The following HIPK2 variants were observed in gnomAD, a reference collection of about 807,000 sequenced individuals.
HIPK2 encodes homeodomain-interacting protein kinase 2.
A neutral mutation model predicts 113.7 loss-of-function variants in HIPK2; 27 were observed. The observed-to-expected ratio is 0.24, with a 90% confidence interval of 0.17 to 0.33. HIPK2 has a LOEUF of 0.33. HIPK2 is among the 10% of genes least tolerant of loss of function. The probability of loss-of-function intolerance (pLI) is 1.00; values close to 1 mark genes in which losing one functional copy is unlikely to be tolerated. For synonymous variants in HIPK2, 631 were observed against 642.2 expected, an observed-to-expected ratio of 0.98 and a Z score of 0.26; for missense variants, 1,257 against 1,588.0, an observed-to-expected ratio of 0.79 and a Z score of 3.54.
chr7:139,698,221 T>C (rs1190785897), intron 2 of HIPK2, among the ~76,000 whole-genome samples: 2 of 152,262 alleles, frequency 1.3e-5, no homozygotes, highest in Non-Finnish European at 2.9e-5. Context: ...ATACGATACG[T>C]GTATGCCTTC....
At position 139,691,693 on chromosome 7, in the gene HIPK2, G is replaced by C. The variant is rs576232622; in HGVS notation, c.1103+24239C>G. Among the ~76,000 whole-genome samples the C allele has an allele frequency of 6.0e-4, 92 of 152,376 alleles. No homozygotes were observed. The Middle Eastern group carries it at 0.01, about 17-fold the overall frequency. ...TAAGGAGGTGAGCCTGGTGTGGAGA[G>C]AGCTGGCTGGGGACCAGCTGGCTTG... is the stretch of plus-strand genomic sequence containing the variant. On this transcript the variant is annotated intron_variant, in intron 2 of 14. Transcript: ENST00000406875.
At chr7:139,707,420 G>A (rs1489585000) in intron 2 of HIPK2, among the ~76,000 whole-genome samples, 1 of 152,264 alleles carries the variant, frequency 6.6e-6, no homozygotes, top group African/African-American at 2.4e-5. Flanking sequence ...GGGTGGCCCT[G>A]TCTGCACTGC....
chr7:139,665,039 C>CT (rs369543607), intron 2 of HIPK2, among the ~76,000 whole-genome samples: 1,448 of 129,670 alleles, frequency 0.011, 18 homozygotes, highest in Non-Finnish European at 0.015. Flanking sequence ...CTTTCTCTCT[C>CT]TTTTTTTTTT....
At chr7:139,628,689 C>T (rs1466907643) in intron 5 of HIPK2, among the ~76,000 whole-genome samples, 2 of 152,216 alleles carry the variant, frequency 1.3e-5, no homozygotes, top group Non-Finnish European at 2.9e-5. Flanking sequence ...TCGCCTTGGC[C>T]TCCCAAAGTG....
At chr7:139,650,914 G>A (rs550838789) in intron 2 of HIPK2, among the ~76,000 whole-genome samples, 2 of 152,320 alleles carry the variant, frequency 1.3e-5, no homozygotes, top group African/African-American at 2.4e-5. Flanking sequence ...AGAGCTCACC[G>A]CCACCTCATG....
chr7:139,584,821 G>A (rs1798784516), intron 12 of HIPK2, among the ~76,000 whole-genome samples: 1 of 152,232 alleles, frequency 6.6e-6, no homozygotes, highest in Admixed American at 6.5e-5. Context: ...GGCCTGGTGG[G>A]AAGGCCCCTG....
intron 2 of HIPK2, among the ~76,000 whole-genome samples, chr7:139,696,316 T>C (rs1344390196): frequency 6.6e-6 from 1 of 152,146 alleles, no homozygotes; most frequent in Non-Finnish European, 1.5e-5. Flanking sequence ...CTCACATCTA[T>C]AATCCCAGCG....
At chr7:139,750,585 T>C (rs1189049260) in intron 1 of HIPK2, among the ~76,000 whole-genome samples, 1 of 152,244 alleles carries the variant, frequency 6.6e-6, no homozygotes, top group Admixed American at 6.5e-5. Context: ...TTTGGGTCTT[T>C]GTGTTGCATC....
At chr7:139,653,181 A>T (rs1270160821) in intron 2 of HIPK2, among the ~76,000 whole-genome samples, 1 of 150,178 alleles carries the variant, frequency 6.7e-6, no homozygotes, top group African/African-American at 2.5e-5. Context: ...GAGAACAAGG[A>T]AGTGACACAA....
intron 1 of HIPK2, among the ~76,000 whole-genome samples, chr7:139,751,569 T>G (rs1258401217): frequency 6.0e-5 from 9 of 148,916 alleles, no homozygotes; most frequent in Admixed American, 2.0e-4. Context: ...GAGGGATGGA[T>G]GGATGGATGG....
chr7:139,729,277 A>G (rs1795690320), intron 1 of HIPK2, among the ~76,000 whole-genome samples: 1 of 145,846 alleles, frequency 6.9e-6, no homozygotes, highest in Admixed American at 7.0e-5. Context: ...GCAAGCTGTG[A>G]TTGCAACACT....
chr7:139,609,741 T>C (rs1345989467), intron 9 of HIPK2, among the ~76,000 whole-genome samples: 1 of 152,162 alleles, frequency 6.6e-6, no homozygotes, highest in African/African-American at 2.4e-5. Flanking sequence ...CATATTGGCA[T>C]GGATTAAGTG....
intron 1 of HIPK2, among the ~76,000 whole-genome samples, chr7:139,757,164 C>A (rs768054009): frequency 1.3e-5 from 2 of 152,138 alleles, no homozygotes; most frequent in Non-Finnish European, 2.9e-5. Context: ...CTCAATCATT[C>A]GTTTTAATGT....
intron 2 of HIPK2, among the ~76,000 whole-genome samples, chr7:139,705,243 G>A (rs2116878164): frequency 6.6e-6 from 1 of 152,382 alleles, no homozygotes; most frequent in Admixed American, 6.5e-5. Context: ...GGAAAGCATG[G>A]TGCTTATTCG....
At chr7:139,766,781 T>A (rs563550950) in intron 1 of HIPK2, among the ~76,000 whole-genome samples, 9 of 152,262 alleles carry the variant, frequency 5.9e-5, no homozygotes, top group Non-Finnish European at 1.3e-4. Context: ...ATGGAGAAAA[T>A]CATAGAGCTC....
At chr7:139,672,940 G>A (rs1010986845) in intron 2 of HIPK2, among the ~76,000 whole-genome samples, 2 of 152,048 alleles carry the variant, frequency 1.3e-5, no homozygotes, top group Admixed American at 6.6e-5. Flanking sequence ...TTAGAACTTA[G>A]TATCCTCCTT....
chr7:139,723,194 C>CT (rs71170911), intron 1 of HIPK2, among the ~76,000 whole-genome samples: 2,124 of 133,076 alleles, frequency 0.016, 48 homozygotes, highest in African/African-American at 0.05. Context: ...TTTCTTTCTT[C>CT]TTTTTTTTTT....
At chr7:139,771,285 T>C (rs961630914) in intron 1 of HIPK2, among the ~76,000 whole-genome samples, 2 of 152,120 alleles carry the variant, frequency 1.3e-5, no homozygotes, top group African/African-American at 2.4e-5. Flanking sequence ...TTCAAGTTTT[T>C]ATACTTATGG....
Position 139,631,060 on chromosome 7 carries a change from G to A in HIPK2, c.1347+105C>T. On this transcript the variant is annotated intron_variant, in intron 4 of 14. Coordinates refer to ENST00000406875, the MANE Select transcript of HIPK2 (RefSeq NM_022740.5). This position sits in a 1 kb window ranked among gnomAD's most constrained non-coding sequence, Gnocchi z 4.9. The stretch of plus-strand genomic sequence containing the variant: ...ATGTATTAACAACAGCACCCCCAGT[G>A]CCCTCATTTTGCTGACTGAATCAAA... 1 of 1,414,468 alleles carries A rather than the reference G, an allele frequency of 7.1e-7. No homozygotes were observed. The highest frequency in any genetic ancestry group is 9.5e-7 in the Non-Finnish European group (1 of 1,056,064). The allele number at this position is 1,414,468 out of a possible 1,614,324, so 87.6% of individuals were successfully genotyped here. A position where few individuals can be genotyped will look rare whatever the true frequency, so the allele number is the denominator to read the frequency against.
Sources: allele counts gnomAD v4.1 joint callset (sites outside exome capture counted in the v4.1 genomes callset), GRCh38; gene constraint gnomAD v4.1.1; non-coding constraint Gnocchi (gnomAD v3.1); transcripts MANE v1.5; gene names NCBI Gene and HGNC (gene_info 2026-07-23, HGNC 2026-07-21).